Variants in MEN1 observed in about 807,000 individuals in gnomAD.
MEN1 encodes the protein menin 1.
In MEN1, 6 loss-of-function variants were observed where a neutral mutation model predicts 58.0. The observed-to-expected ratio is 0.10, with a 90% CI of 0.06 to 0.20. The LOEUF is 0.20. Ranked by LOEUF, MEN1 falls within the 10% of genes least tolerant of loss-of-function variation. MEN1 has a pLI of 1.00. For synonymous variants in MEN1, 346 were observed against 350.7 expected (o/e 0.99, Z 0.15); for missense variants, 492 against 818.5 (o/e 0.60, Z 4.87).
chr11:64,804,278 T>G lies in MEN1; in HGVS notation c.*56A>C. On this transcript the variant is annotated 3_prime_UTR_variant, in exon 10 of 10. Transcript: ENST00000450708. The surrounding 1 kb of genome is among the most constrained non-coding windows in gnomAD (Gnocchi z 4.2). The stretch of plus-strand genomic sequence containing the variant: ...TGGGGGCAGAACATGGGCTCAGAGT[T>G]GGGGGACTAAGGGCGGAGCCTGGGT... 6.2e-7 allele frequency: 1 copy of G among 1,612,684 alleles called. No homozygotes were observed. Among genetic ancestry groups the G allele is most frequent in the Non-Finnish European group, 8.5e-7 (1 of 1,179,254 alleles).
intron 2 of MEN1, among the ~76,000 whole-genome samples, chr11:64,808,728 G>A (rs1020710071): frequency 2.0e-5 from 3 of 149,418 alleles, no homozygotes; most frequent in Non-Finnish European, 3.0e-5. Flanking sequence ...GGCGGATCAC[G>A]AGGTCAGGAG....
In MEN1 at chr11:64,803,767, T is replaced by C. The variant is rs1269989512; in HGVS notation, c.*567A>G. ...CATAGGCTGGGGGCGGAGTTTTGTGTCCCAGACTCGGGATACGAAGGAGAG... is the reference window on the plus strand; with the variant it reads ...CATAGGCTGGGGGCGGAGTTTTGTGCCCCAGACTCGGGATACGAAGGAGAG... On this transcript the variant is annotated 3_prime_UTR_variant, in exon 10 of 10. Transcript: ENST00000450708. 2 of 244,210 alleles carry C rather than the reference T, an allele frequency of 8.2e-6. No individual in the cohort carries two copies. The highest frequency in any genetic ancestry group is 4.4e-5 in the African/African-American group (2 of 45,340). The allele number at this position is 244,210 out of a possible 1,614,324, so 15.1% of individuals were successfully genotyped here.
Position 64,804,880 on chromosome 11 carries a change from C to G in MEN1, c.1351-64G>C. 1 of 1,595,830 alleles carries G rather than the reference C, an allele frequency of 6.3e-7. No individual in the cohort carries two copies. Among genetic ancestry groups the G allele is most frequent in the Non-Finnish European group, 8.5e-7 (1 of 1,178,448 alleles). The stretch of plus-strand genomic sequence containing the variant: ...CGGCCAGTGGCTGGAACTCCAGGAC[C>G]CTGCTCTGGCCATCCCATCCCACCC... On this transcript the variant is annotated intron_variant, in intron 9 of 9. Transcript: ENST00000450708. The surrounding 1 kb of genome is among the most constrained non-coding windows in gnomAD (Gnocchi z 4.2).
At position 64,803,950 on chromosome 11, in the gene MEN1, TAAGG is replaced by T; in HGVS notation, c.*380_*383del. 2.6e-6 allele frequency: 1 copy of T among 384,092 alleles called. No individual in the cohort carries two copies. The highest frequency in any genetic ancestry group is 4.4e-5 in the East Asian group (1 of 22,930). The allele number at this position is 384,092 out of a possible 1,614,324, so 23.8% of individuals were successfully genotyped here. On this transcript the variant is annotated 3_prime_UTR_variant, in exon 10 of 10. Coordinates refer to ENST00000450708, the MANE Select transcript of MEN1 (RefSeq NM_001370259.2). ...GAGGTGGGACCTGTGCTCCTTGGGT[TAAGG>T]GTGAAACCTCAGCTCCTACAAGCTG...
At position 64,808,330 on chromosome 11, in the gene MEN1, G is replaced by A. The variant is rs147918952; in HGVS notation, c.446-231C>T. ...ATACCTTTCTGGATATCCTGTAGCT[G>A]ACCCAGCCTTTGGCCCTACCTCGTC... On this transcript the variant is annotated intron_variant, in intron 2 of 9. Transcript: ENST00000450708. 6.6e-5 allele frequency among the ~76,000 whole-genome samples: 10 copies of A among 152,244 alleles called. No homozygotes were observed. The East Asian group carries it at 1.9e-3, about 29-fold the overall frequency.
At position 64,809,799 on chromosome 11, in the gene MEN1, G is replaced by A. The variant is rs1114167512; in HGVS notation, c.311C>T (p.Ser104Phe). 6.2e-7 allele frequency: 1 copy of A among 1,613,958 alleles called. No homozygotes were observed. Among genetic ancestry groups the A allele is most frequent in the South Asian group, 1.1e-5 (1 of 91,068 alleles). ...GACACCCCCTTCTCGAGGATAGAGG[G>A]ACAGGTCGACGGCGCCTCGGATCTG... The part of the protein sequence containing the change: ...TAQIRGAVDL[S>F]LYPREGGVSS... The change falls in exon 2 of 10, where the codon TCC becomes TTC. Residue 104 changes from serine (S) to phenylalanine (F), a missense_variant. Transcript: ENST00000450708.
intron 2 of MEN1, among the ~76,000 whole-genome samples, chr11:64,809,182 G>C (rs151249710): frequency 1.4e-5 from 2 of 145,836 alleles, no homozygotes; most frequent in Non-Finnish European, 3.0e-5. Context: ...GAGGATCTCT[G>C]AGCCCAGGGA....
At chr11:64,808,144 C>T (rs1191783902) in intron 2 of MEN1, 45 bp from the exon 3 acceptor site, 1 of 1,543,426 alleles carries the variant, frequency 6.5e-7, no homozygotes, top group Non-Finnish European at 8.7e-7. Flanking sequence ...TGTGCTTTAA[C>T]ATGGGGAAAG....
chr11:64,806,915 C>T (rs1045378786), intron 6 of MEN1, 96 bp downstream of exon 6: 2 of 1,100,620 alleles, frequency 1.8e-6, no homozygotes, highest in Non-Finnish European at 2.7e-6. Flanking sequence ...CGATACCCCC[C>T]AACACACAAA....
At chr11:64,808,272 C>G (rs1323374109) in intron 2 of MEN1, among the ~76,000 whole-genome samples, 173 bp from the exon 3 acceptor site, 3 of 152,216 alleles carry the variant, frequency 2.0e-5, no homozygotes, top group Non-Finnish European at 4.4e-5. Flanking sequence ...TTCAAAGACT[C>G]TCTCCCTGTT....
Position 64,804,707 on chromosome 11 carries a change from G to A in MEN1, c.1460C>T (p.Ser487Phe), listed in dbSNP as rs1941546652. 6.3e-6 allele frequency: 10 copies of A among 1,595,676 alleles called. No individual in the cohort carries two copies. The highest frequency in any genetic ancestry group is 8.5e-6 in the Non-Finnish European group (10 of 1,177,334). Residue 487 changes from serine to phenylalanine, a missense_variant, in exon 10 of 10, where the codon TCC becomes TTC. Ser to Phe is a radical substitution (Grantham distance 155). Around this residue, in one of 5 missense-constraint regions of MEN1, gnomAD observed 45 missense variants for 66.9 expected, o/e 0.67. Coordinates refer to ENST00000450708, the MANE Select transcript of MEN1 (RefSeq NM_001370259.2). The surrounding 1 kb of genome is among the most constrained non-coding windows in gnomAD (Gnocchi z 4.2). ...GGGCGGCGGGGGCTCCTCTGGCTTGGACTCCCGCCGTGGGCCCCGCCGCCG... is the reference window on the plus strand; with the variant it reads ...GGGCGGCGGGGGCTCCTCTGGCTTGAACTCCCGCCGTGGGCCCCGCCGCCG... ...EGRRRGPRRE[S>F]KPEEPPPPKK...
chr11:64,806,992 C>T lies in MEN1; in HGVS notation c.912+19G>A, dbSNP rs780657282. 1 of 1,611,484 alleles carries T rather than the reference C, an allele frequency of 6.2e-7. No individual in the cohort carries two copies. The highest frequency in any genetic ancestry group is 8.5e-7 in the Non-Finnish European group (1 of 1,179,206). On this transcript the variant is annotated intron_variant, in intron 6 of 9. Coordinates refer to ENST00000450708, the MANE Select transcript of MEN1 (RefSeq NM_001370259.2). Reference sequence around the variant, plus strand: ...CACTGTTAGGGTCTCCCTTCTGCACCCTCCTTAGATGCCCCCACCTTGTGG... The same window carrying T: ...CACTGTTAGGGTCTCCCTTCTGCACTCTCCTTAGATGCCCCCACCTTGTGG...
rs200155578 is a variant in MEN1 at position 64,808,020 on chromosome 11, G to A, written c.525C>T (p.Leu175=). 3.8e-5 allele frequency: 61 copies of A among 1,614,032 alleles called. No individual in the cohort carries two copies. Among genetic ancestry groups the A allele is most frequent in the Middle Eastern group, 1.6e-4 (1 of 6,084 alleles). The change falls in exon 3 of 10, where the codon CTC becomes CTT. Residue 175 remains leucine (L), a synonymous_variant. Coordinates refer to ENST00000450708, the MANE Select transcript of MEN1 (RefSeq NM_001370259.2). The part of the protein sequence containing the change: ...CQALGLRDVH[L]ALSEDHAWVV... ...CCCAGGCATGATCCTCAGACAGGGCGAGGTGGACATCCCGGAGACCCAGGG... is the reference window on the plus strand; with the variant it reads ...CCCAGGCATGATCCTCAGACAGGGCAAGGTGGACATCCCGGAGACCCAGGG...
At position 64,805,661 on chromosome 11, in the gene MEN1, C is replaced by T. The variant is rs773978650; in HGVS notation, c.1159G>A (p.Glu387Lys). ...TGGCTTTGCTCCCCCGGCCGCTCCTCGCCCGCCTCCAGCAAGCTGGCTGCC... is the reference window on the plus strand; with the variant it reads ...TGGCTTTGCTCCCCCGGCCGCTCCTTGCCCGCCTCCAGCAAGCTGGCTGCC... ...KEAASLLEAG[E>K]ERPGEQSQGT... The change falls in exon 8 of 10, where the codon GAG (glutamate) becomes AAG (lysine). Residue 387 changes from glutamate to lysine, a missense_variant. Coordinates refer to ENST00000450708, the MANE Select transcript of MEN1 (RefSeq NM_001370259.2). 9.3e-6 allele frequency: 15 copies of T among 1,614,128 alleles called. No homozygotes were observed. Among genetic ancestry groups the T allele is most frequent in the Non-Finnish European group, 1.3e-5 (15 of 1,180,022 alleles).
intron 2 of MEN1, among the ~76,000 whole-genome samples, chr11:64,809,446 T>C (rs1345689811): frequency 6.6e-6 from 1 of 151,960 alleles, no homozygotes; most frequent in Non-Finnish European, 1.5e-5. Flanking sequence ...GGTTGATGAT[T>C]TGGAGCCAAG....
rs1555166545 is a variant in MEN1, at chr11:64,809,870, C to T, written c.240G>A (p.Val80=). The T allele has an allele frequency of 6.2e-7, 1 of 1,606,198 alleles. No homozygotes were observed. The highest frequency in any genetic ancestry group is 8.5e-7 in the Non-Finnish European group (1 of 1,176,554). ...GGGCGGCGATGATAGACAGGTCGGC[C>T]ACGGGAAAGTAGGTGAGGCCGCCAG... The part of the protein sequence containing the change: ...DPPGGLTYFP[V]ADLSIIAALY... The change falls in exon 2 of 10, where the codon GTG becomes GTA. Residue 80 remains valine, a synonymous_variant. Coordinates refer to ENST00000450708, the MANE Select transcript of MEN1 (RefSeq NM_001370259.2).
At chr11:64,806,098 G>C in intron 7 of MEN1, 134 bp downstream of exon 7, 1 of 1,164,594 alleles carries the variant, frequency 8.6e-7, no homozygotes, top group Non-Finnish European at 1.2e-6. Context: ...GGGTAATGGT[G>C]GCCTTGCTGC....
chr11:64,803,830 T>G lies in MEN1; in HGVS notation c.*504A>C. ...TCCAAATTCTGGAGCAGGACTGAAGTTATTTGGGGCAGGGAGCTTGGATTC... is the reference window on the plus strand; with the variant it reads ...TCCAAATTCTGGAGCAGGACTGAAGGTATTTGGGGCAGGGAGCTTGGATTC... On this transcript the variant is annotated 3_prime_UTR_variant, in exon 10 of 10. Coordinates refer to ENST00000450708, the MANE Select transcript of MEN1 (RefSeq NM_001370259.2). 1 of 246,840 alleles carries G rather than the reference T, an allele frequency of 4.1e-6. No homozygotes were observed. The allele number at this position is 246,840 out of a possible 1,614,324, so 15.3% of individuals were successfully genotyped here. A position where few individuals can be genotyped will look rare whatever the true frequency, so the allele number is the denominator to read the frequency against.
In MEN1 at chr11:64,808,116, T is replaced by C; in HGVS notation, c.446-17A>G. On this transcript the variant is annotated splice_polypyrimidine_tract_variant and intron_variant, in intron 2 of 9. Coordinates refer to ENST00000450708, the MANE Select transcript of MEN1 (RefSeq NM_001370259.2). ...ATTTGGTGCCTGTGGAAGGGGGAGG[T>C]AATGAAAGAGGGTCCTCTGTGCTTT... 1 of 1,593,106 alleles carries C rather than the reference T, an allele frequency of 6.3e-7. No homozygotes were observed. Among genetic ancestry groups the C allele is most frequent in the Non-Finnish European group, 8.5e-7 (1 of 1,170,854 alleles).
Sources: gnomAD v4.1 joint callset for allele counts (sites outside exome capture counted in the v4.1 genomes callset) on GRCh38, gnomAD v4.1.1 for gene constraint, gnomAD v4.1.1 regional missense constraint, Gnocchi (gnomAD v3.1) non-coding constraint, MANE v1.5 for transcripts, NCBI Gene and HGNC (gene_info 2026-07-23, HGNC 2026-07-21) for gene names.